Variants in TANK observed in about 807,000 individuals in gnomAD.
TANK encodes the protein TRAF family member-associated NF-kappa-B activator.
TANK carries 15 observed loss-of-function variants against 43.6 expected under a neutral mutation model. The observed-to-expected ratio is 0.34, with a 90% CI of 0.23 to 0.53. The LOEUF (loss-of-function observed/expected upper bound fraction) is 0.53, where lower values mean the gene tolerates loss of function less well. TANK is among the 20% of genes least tolerant of loss of function. The pLI, the probability that TANK is intolerant of heterozygous loss-of-function variation, is 0.94. For missense variants in TANK, 417 were observed against 498.6 expected (o/e 0.84, Z 1.56); for synonymous variants, 162 against 178.2 (o/e 0.91, Z 0.73).
At chr2:161,211,610 C>T (rs184433173) in intron 4 of TANK, 1 of 225,806 alleles carries the variant, frequency 4.4e-6, no homozygotes, top group Admixed American at 6.5e-5. Context: ...ATCATCTAAA[C>T]ACATAGCACC....
intron 7 of TANK, chr2:161,232,822 A>C (rs1328038282): frequency 6.4e-7 from 1 of 1,550,666 alleles, no homozygotes; most frequent in East Asian, 2.4e-5. Context: ...ATGTGATTAC[A>C]ACTTGATGGA....
At chr2:161,173,344 G>C (rs961024001) in intron 1 of TANK, among the ~76,000 whole-genome samples, 2 of 152,062 alleles carry the variant, frequency 1.3e-5, no homozygotes, top group African/African-American at 4.8e-5. Context: ...CAGGGCCTCT[G>C]CTCTTTCAGA....
chr2:161,179,509 G>C, intron 1 of TANK, 105 bp from the exon 2 acceptor site: 1 of 946,292 alleles, frequency 1.1e-6, no homozygotes, highest in African/African-American at 1.7e-5. Flanking sequence ...GTACTTGGTG[G>C]TATAATGTTT....
rs750437293 is a variant in TANK at position 161,235,316 on chromosome 2, CAG to C, written c.1102-24_1102-23del. On this transcript the variant is annotated intron_variant, in intron 7 of 7. Transcript: ENST00000392749. ...GCTATTTGAATTTAAACATAAGTAA[CAG>C]ATATTTTTGTTTGTTTCCTGCAGCC... 2.6e-6 allele frequency: 4 copies of C among 1,560,824 alleles called. No homozygotes were observed. In the African/African-American group the frequency reaches 4.2e-5, roughly 16 times the overall value.
At chr2:161,219,989 T>TGAA in intron 4 of TANK, 1 of 210,826 alleles carries the variant, frequency 4.7e-6, no homozygotes, top group South Asian at 6.1e-5. Context: ...GGCTTACTTC[T>TGAA]TGGTTTACAT....
At chr2:161,146,818 G>C (rs1463836281) in intron 1 of TANK, among the ~76,000 whole-genome samples, 3 of 152,168 alleles carry the variant, frequency 2.0e-5, no homozygotes, top group Non-Finnish European at 4.4e-5. Flanking sequence ...TGGGGAGCAA[G>C]ACTTGTTTAA....
intron 4 of TANK, chr2:161,212,605 T>C: frequency 2.0e-6 from 2 of 985,350 alleles, no homozygotes; most frequent in Non-Finnish European, 2.4e-6. Flanking sequence ...TTCTAAATTG[T>C]CTTTCCTAAC....
At chr2:161,158,619 C>CT (rs1365716749), upstream of TANK, among the ~76,000 whole-genome samples, 2 of 152,238 alleles carry the variant, frequency 1.3e-5, no homozygotes, top group African/African-American at 4.8e-5. Context: ...GCTTTAGACT[C>CT]TGAGTATATT....
chr2:161,137,626 T>C (rs1683624626), intron 1 of TANK, among the ~76,000 whole-genome samples: 1 of 152,180 alleles, frequency 6.6e-6, no homozygotes, highest in African/African-American at 2.4e-5. Context: ...ATTCATACTT[T>C]TTTGGTTATA....
At chr2:161,140,485 T>G (rs1683713162) in intron 1 of TANK, among the ~76,000 whole-genome samples, 1 of 152,106 alleles carries the variant, frequency 6.6e-6, no homozygotes, top group Non-Finnish European at 1.5e-5. Context: ...TTTCTTTTTT[T>G]TTCTGATTGG....
chr2:161,137,071 A>C, intron 1 of TANK: 2 of 985,478 alleles, frequency 2.0e-6, no homozygotes, highest in Non-Finnish European at 2.4e-6. Flanking sequence ...GAGGTAATCT[A>C]ATTTCAATAG....
chr2:161,164,648 T>C (rs756515469), intron 1 of TANK, among the ~76,000 whole-genome samples: 1 of 152,234 alleles, frequency 6.6e-6, no homozygotes, highest in Non-Finnish European at 1.5e-5. Flanking sequence ...CCAAGCCCTA[T>C]GCAACTGAAA....
At chr2:161,145,133 CTTTTTTTTTTT>C (rs144526006) in intron 1 of TANK, among the ~76,000 whole-genome samples, 31 of 32,878 alleles carry the variant, frequency 9.4e-4, no homozygotes, top group African/African-American at 3.6e-3. Flanking sequence ...GCAACCCCTG[CTTTTTTTTTTT>C]TTTTTTTTTT....
intron 7 of TANK, 72 bp downstream of exon 7, chr2:161,231,623 A>G (rs1051897970): frequency 7.4e-7 from 1 of 1,359,868 alleles, no homozygotes; most frequent in Non-Finnish European, 1.0e-6. Flanking sequence ...ACAGATATGC[A>G]TCTCTTTTAC....
intron 1 of TANK, among the ~76,000 whole-genome samples, chr2:161,166,253 C>T (rs1401912455): frequency 6.6e-6 from 1 of 152,196 alleles, no homozygotes; most frequent in Admixed American, 6.5e-5. Flanking sequence ...ATTATATCAG[C>T]TGCCTGGATG....
At chr2:161,190,543 G>A (rs1685868368) in intron 2 of TANK, among the ~76,000 whole-genome samples, 1 of 152,112 alleles carries the variant, frequency 6.6e-6, no homozygotes, top group Admixed American at 6.6e-5. Flanking sequence ...GGCAAAAGGT[G>A]GAAACAACCC....
upstream of TANK, among the ~76,000 whole-genome samples, chr2:161,159,962 A>T (rs559979471): frequency 2.0e-5 from 3 of 152,262 alleles, no homozygotes; most frequent in South Asian, 6.2e-4. Flanking sequence ...TAATTACATA[A>T]ATTTACGAGG....
intron 2 of TANK, among the ~76,000 whole-genome samples, chr2:161,195,837 T>C (rs1165355451): frequency 6.6e-6 from 1 of 152,012 alleles, no homozygotes; most frequent in Non-Finnish European, 1.5e-5. Flanking sequence ...TACTAGCACT[T>C]TTTTTGGGAG....
chr2:161,181,824 T>C (rs1685441565), intron 2 of TANK, among the ~76,000 whole-genome samples: 1 of 152,098 alleles, frequency 6.6e-6, no homozygotes, highest in African/African-American at 2.4e-5. Flanking sequence ...AACTTGCACC[T>C]AAACCTTTCT....
Sources: gnomAD v4.1 joint callset for allele counts (sites outside exome capture counted in the v4.1 genomes callset) on GRCh38, gnomAD v4.1.1 for gene constraint, MANE v1.5 for transcripts, NCBI Gene and HGNC (gene_info 2026-07-23, HGNC 2026-07-21) for gene names.